ADARB2: variants seen among roughly 807,000 people sequenced by gnomAD.
The protein encoded by ADARB2 is adenosine deaminase RNA specific B2 (inactive), also known as inactive double-stranded RNA-specific editase B2.
In ADARB2, 25 loss-of-function variants were observed where a neutral mutation model predicts 62.2. That is an observed-to-expected ratio of 0.40 (90% CI 0.29 to 0.56). The LOEUF (loss-of-function observed/expected upper bound fraction) is 0.56. Among genes scored for constraint, ADARB2 ranks in the 20% least tolerant of loss-of-function variants. The probability of loss-of-function intolerance (pLI) is 0.43; values close to 1 mark genes in which losing one functional copy is unlikely to be tolerated. For synonymous variants in ADARB2, 572 were observed against 500.8 expected, an observed-to-expected ratio of 1.14 and a Z score of -1.90; for missense variants, 1,071 against 1,077.4, an observed-to-expected ratio of 0.99 and a Z score of 0.08.
chr10:1,717,551 T>A (rs1193190294), intron 1 of ADARB2, among the ~76,000 whole-genome samples: 1 of 151,510 alleles, frequency 6.6e-6, no homozygotes. Context: ...CTTTCCTTTT[T>A]CCTTCCTTCG....
At chr10:1,660,576 G>C (rs570182170) in intron 1 of ADARB2, among the ~76,000 whole-genome samples, 3 of 152,234 alleles carry the variant, frequency 2.0e-5, no homozygotes, top group Non-Finnish European at 4.4e-5. Flanking sequence ...ACCAGAACAC[G>C]TAAGGCCCAA....
At chr10:1,459,860 A>G (rs551056605) in intron 1 of ADARB2, among the ~76,000 whole-genome samples, 1 of 152,370 alleles carries the variant, frequency 6.6e-6, no homozygotes, top group South Asian at 2.1e-4. Flanking sequence ...AGGATCAGGA[A>G]AAATAACGAA....
At chr10:1,202,913 C>T (rs561525982) in intron 7 of ADARB2, among the ~76,000 whole-genome samples, 14 of 152,296 alleles carry the variant, frequency 9.2e-5, no homozygotes, top group Non-Finnish European at 1.3e-4. Flanking sequence ...GCTGCAGGAC[C>T]GTCGGAAGAC....
intron 1 of ADARB2, among the ~76,000 whole-genome samples, chr10:1,623,757 C>T (rs1330823544): frequency 8.0e-5 from 6 of 75,432 alleles, no homozygotes; most frequent in Non-Finnish European, 7.9e-5. Flanking sequence ...ATGCCCAGTA[C>T]GAGGGCTGAG....
intron 1 of ADARB2, among the ~76,000 whole-genome samples, chr10:1,487,333 A>G (rs116520177): frequency 1.2e-3 from 180 of 152,364 alleles, no homozygotes; most frequent in African/African-American, 4.1e-3. Flanking sequence ...AAACAAAAAG[A>G]CTAAATAAAC....
intron 1 of ADARB2, among the ~76,000 whole-genome samples, chr10:1,619,845 AATG>A (rs1383681868): frequency 3.3e-5 from 5 of 152,358 alleles, no homozygotes; most frequent in African/African-American, 1.2e-4. Context: ...GGCATCATAT[AATG>A]ATGTTTTTGA....
intron 2 of ADARB2, among the ~76,000 whole-genome samples, chr10:1,378,653 G>T (rs1032246567): frequency 6.6e-6 from 1 of 152,110 alleles, no homozygotes; most frequent in African/African-American, 2.4e-5. Context: ...GAGACTGCAG[G>T]TGTGGGTAAG....
intron 1 of ADARB2, among the ~76,000 whole-genome samples, chr10:1,458,281 G>A (rs1831122273): frequency 6.6e-6 from 1 of 152,156 alleles, no homozygotes; most frequent in African/African-American, 2.4e-5. Flanking sequence ...AGGATCTTCT[G>A]AAGCTTGCAG....
At chr10:1,716,492 GCATT>G (rs1301757055) in intron 1 of ADARB2, among the ~76,000 whole-genome samples, 1 of 152,154 alleles carries the variant, frequency 6.6e-6, no homozygotes. Context: ...TAATTTTATT[GCATT>G]GATTGCTAAT....
At position 1,305,580 on chromosome 10, in the gene ADARB2, C is replaced by T. The variant is rs1379005365; in HGVS notation, c.1078-34511G>A. The stretch of plus-strand genomic sequence containing the variant: ...GGCCAGCATCATTCTGATACCAAAG[C>T]CTGGCAGAGACACAACCAAAAAAGA... On this transcript the variant is annotated intron_variant, in intron 3 of 9. Coordinates refer to ENST00000381312, the MANE Select transcript of ADARB2 (RefSeq NM_018702.4). Among the ~76,000 whole-genome samples, 5 of 152,110 alleles carry T rather than the reference C, an allele frequency of 3.3e-5. No homozygotes were observed. The East Asian group carries it at 9.6e-4, about 29-fold the overall frequency.
chr10:1,698,096 C>T (rs767876217), intron 1 of ADARB2, among the ~76,000 whole-genome samples: 1 of 152,236 alleles, frequency 6.6e-6, no homozygotes, highest in African/African-American at 2.4e-5. Context: ...TCTCCCACTG[C>T]CCTCTCTGGC....
At chr10:1,192,631 T>C (rs1836858092) in intron 8 of ADARB2, among the ~76,000 whole-genome samples, 1 of 152,236 alleles carries the variant, frequency 6.6e-6, no homozygotes, top group Non-Finnish European at 1.5e-5. Flanking sequence ...CAGCTGGTTC[T>C]TTCTGCTGTG....
chr10:1,219,846 GTGATGGTGATGA>G (rs1442874901), intron 6 of ADARB2, among the ~76,000 whole-genome samples: 22 of 114,022 alleles, frequency 1.9e-4, no homozygotes, highest in African/African-American at 3.9e-4. Flanking sequence ...GATGATGATG[GTGATGGTGATGA>G]TGATGGTAAT....
chr10:1,430,790 T>C (rs1588255396), intron 1 of ADARB2, among the ~76,000 whole-genome samples: 2 of 151,912 alleles, frequency 1.3e-5, no homozygotes, highest in East Asian at 3.9e-4. Flanking sequence ...AGTAGACTCA[T>C]AGCCAAGAAA....
intron 3 of ADARB2, among the ~76,000 whole-genome samples, chr10:1,278,302 T>TTA (rs1554751277): frequency 6.6e-6 from 1 of 151,606 alleles, no homozygotes; most frequent in Admixed American, 6.6e-5. Context: ...TTTTTTTTTT[T>TTA]AAGTTTCAAC....
chr10:1,388,348 T>C (rs2263200), intron 1 of ADARB2, among the ~76,000 whole-genome samples: 71,201 of 151,790 alleles, frequency 0.47, 17,383 homozygotes, highest in East Asian at 0.67. Flanking sequence ...CCTTCACCAC[T>C]TCTATTCAAC....
intron 1 of ADARB2, among the ~76,000 whole-genome samples, chr10:1,732,260 G>T (rs1835243174): frequency 1.4e-5 from 2 of 145,778 alleles, no homozygotes; most frequent in African/African-American, 2.5e-5. Context: ...CAGATGTATA[G>T]TTTTAAAATT....
chr10:1,567,266 C>T (rs1295221892), intron 1 of ADARB2, among the ~76,000 whole-genome samples: 4 of 152,132 alleles, frequency 2.6e-5, no homozygotes, highest in African/African-American at 7.2e-5. Context: ...TGCCCGTCCA[C>T]TTCAAATCCT....
At chr10:1,460,944 T>C (rs1352354441) in intron 1 of ADARB2, among the ~76,000 whole-genome samples, 1 of 152,212 alleles carries the variant, frequency 6.6e-6, no homozygotes, top group African/African-American at 2.4e-5. Context: ...AACCTGCACA[T>C]GGACCCCTGA....
Sources: gnomAD v4.1 joint callset for allele counts (sites outside exome capture counted in the v4.1 genomes callset) on GRCh38, gnomAD v4.1.1 for gene constraint, MANE v1.5 for transcripts, NCBI Gene and HGNC (gene_info 2026-07-23, HGNC 2026-07-21) for gene names.